The following MCM3AP variants were observed in gnomAD, a reference collection of about 807,000 sequenced individuals.
The protein encoded by MCM3AP is minichromosome maintenance complex component 3 associated protein.
MCM3AP carries 126 observed loss-of-function variants against 184.1 expected under a neutral mutation model. The observed-to-expected ratio is 0.68, with a 90% CI of 0.59 to 0.79. The LOEUF (loss-of-function observed/expected upper bound fraction) is 0.79. Among genes scored for constraint, MCM3AP ranks in the 30% least tolerant of loss-of-function variants. The probability of loss-of-function intolerance (pLI) is 0.00; values close to 1 mark genes in which losing one functional copy is unlikely to be tolerated. For synonymous variants in MCM3AP, 1,002 were observed against 979.3 expected (o/e 1.02, Z -0.43); for missense variants, 2,496 against 2,479.2 (o/e 1.01, Z -0.14).
intron 26 of MCM3AP, among the ~76,000 whole-genome samples, chr21:46,239,774 T>C (rs1372702899): frequency 1.3e-5 from 2 of 151,762 alleles, no homozygotes; most frequent in African/African-American, 4.8e-5. Context: ...GTACAGACGA[T>C]GCAGAGGAGA....
chr21:46,276,901 C>A (rs2081263690), intron 5 of MCM3AP, among the ~76,000 whole-genome samples: 2 of 151,998 alleles, frequency 1.3e-5, no homozygotes, highest in Non-Finnish European at 2.9e-5. Context: ...CCGCACCCAG[C>A]CTGCTTATTT....
At chr21:46,243,354 G>T in intron 24 of MCM3AP, 111 bp downstream of exon 24, 2 of 1,282,330 alleles carry the variant, frequency 1.6e-6, no homozygotes, top group Non-Finnish European at 2.1e-6. Flanking sequence ...GGAAAGGAAG[G>T]ATAGAGACCC....
At chr21:46,246,479 A>T in intron 21 of MCM3AP, 75 bp from the exon 22 acceptor site, 1 of 1,376,404 alleles carries the variant, frequency 7.3e-7, no homozygotes, top group Non-Finnish European at 1.0e-6. Flanking sequence ...CACTGTGCTG[A>T]CCCCACCCAG....
intron 6 of MCM3AP, among the ~76,000 whole-genome samples, chr21:46,273,962 G>A (rs951395373): frequency 2.0e-5 from 3 of 152,248 alleles, no homozygotes; most frequent in Non-Finnish European, 4.4e-5. Flanking sequence ...GTGAAACAGA[G>A]ACAGGCGGTG....
chr21:46,247,962 A>C (rs2080803221), intron 20 of MCM3AP, among the ~76,000 whole-genome samples: 1 of 152,050 alleles, frequency 6.6e-6, no homozygotes, highest in Non-Finnish European at 1.5e-5. Context: ...ACAAAAATAT[A>C]AGCCCATAAT....
Position 46,273,379 on chromosome 21 carries a change from A to G in MCM3AP, c.2196+9T>C. ...ATTTTTTAGCATCCAGGTTGGAGGC[A>G]GCCAATACCTTCCGTATGCCACGCG... is the stretch of plus-strand genomic sequence containing the variant. On this transcript the variant is annotated intron_variant, in intron 7 of 27. Coordinates refer to ENST00000291688, the MANE Select transcript of MCM3AP (RefSeq NM_003906.5). 6.2e-7 allele frequency: 1 copy of G among 1,613,276 alleles called. No homozygotes were observed. Among genetic ancestry groups the G allele is most frequent in the Non-Finnish European group, 8.5e-7 (1 of 1,179,310 alleles).
At chr21:46,260,345 C>T (rs892293578) in intron 15 of MCM3AP, among the ~76,000 whole-genome samples, 9 of 152,210 alleles carry the variant, frequency 5.9e-5, no homozygotes, top group Non-Finnish European at 1.3e-4. Flanking sequence ...GTGGCCACCA[C>T]AGGTGCAGTC....
At chr21:46,254,223 G>T in intron 19 of MCM3AP, 169 bp downstream of exon 19, 1 of 697,430 alleles carries the variant, frequency 1.4e-6, no homozygotes, top group Non-Finnish European at 2.4e-6. Flanking sequence ...CAAATCTAAA[G>T]TTTCAACTTA....
chr21:46,274,938 C>CAAAAAAA (rs35282554), intron 6 of MCM3AP, among the ~76,000 whole-genome samples: 2 of 96,998 alleles, frequency 2.1e-5, no homozygotes, highest in Non-Finnish European at 3.9e-5. Context: ...GACCCTGTCT[C>CAAAAAAA]AAAAAAAAAA....
chr21:46,254,715 T>C, intron 18 of MCM3AP, 61 bp downstream of exon 18: 1 of 1,503,280 alleles, frequency 6.7e-7, no homozygotes, highest in South Asian at 1.1e-5. Flanking sequence ...GGGCTGCCAG[T>C]GTGACAGATT....
chr21:46,251,348 G>T, intron 20 of MCM3AP, 181 bp downstream of exon 20: 1 of 401,416 alleles, frequency 2.5e-6, no homozygotes, highest in African/African-American at 3.1e-5. Flanking sequence ...TACTCAATTT[G>T]ACTGGCTTAA....
At chr21:46,244,575 T>C in intron 23 of MCM3AP, 1 of 573,676 alleles carries the variant, frequency 1.7e-6, no homozygotes, top group Non-Finnish European at 3.1e-6. Flanking sequence ...ATGGACTGCC[T>C]TGCTGGTCAG....
Position 46,273,572 on chromosome 21 carries a change from G to A in MCM3AP, c.2012C>T (p.Ala671Val). 1 of 1,613,740 alleles carries A rather than the reference G, an allele frequency of 6.2e-7. No individual in the cohort carries two copies. Residue 671 changes from alanine (A) to valine (V), a missense_variant, in exon 7 of 28, where the codon GCA becomes GTA. Coordinates refer to ENST00000291688, the MANE Select transcript of MCM3AP (RefSeq NM_003906.5). ...GGACCGACTGTACTCTTTCACAGCT[G>A]CTGCGTGGTCCACCTAGAGACATGA... ...VPGTDQVDHA[A>V]AVKEYSRSSA...
chr21:46,243,721 G>T lies in MCM3AP; in HGVS notation c.5040C>A (p.Ala1680=). Reference sequence around the variant, plus strand: ...CCATGGAGCACACGGGGAGCCAGGGGGCTGGGGAGAAAGTGCCTCATTAGT... The same window carrying T: ...CCATGGAGCACACGGGGAGCCAGGGTGCTGGGGAGAAAGTGCCTCATTAGT... ...LPQMDLPPLG[A]PWLPVCSMVV... Residue 1680 remains alanine, a splice_region_variant and synonymous_variant, in exon 24 of 28, where the codon GCC becomes GCA. Transcript: ENST00000291688. 6.2e-7 allele frequency: 1 copy of T among 1,613,518 alleles called. No homozygotes were observed. The highest frequency in any genetic ancestry group is 1.7e-5 in the Admixed American group (1 of 59,962).
At chr21:46,285,771 C>G (rs1204486906), upstream of MCM3AP, 1 of 154,500 alleles carries the variant, frequency 6.5e-6, no homozygotes. Flanking sequence ...GTAACGCTGT[C>G]AAAACCTTAG....
At chr21:46,275,110 A>G in intron 6 of MCM3AP, 76 bp downstream of exon 6, 5 of 1,474,734 alleles carry the variant, frequency 3.4e-6, no homozygotes, top group Non-Finnish European at 4.5e-6. Flanking sequence ...ACAAACACCC[A>G]AATCAAGTAT....
At chr21:46,255,233 A>G (rs1056410575) in intron 17 of MCM3AP, among the ~76,000 whole-genome samples, 3 of 148,100 alleles carry the variant, frequency 2.0e-5, no homozygotes, top group African/African-American at 7.8e-5. Flanking sequence ...TGAAGGAAAC[A>G]GGGGGAGCCA....
In MCM3AP at chr21:46,260,236, C is replaced by T. The variant is rs17176541; in HGVS notation, c.3581+557G>A. Among the ~76,000 whole-genome samples, 1,444 of 152,174 alleles carry T rather than the reference C, an allele frequency of 9.5e-3. 30 individuals are homozygous for T. The highest frequency in any genetic ancestry group is 0.033 in the African/African-American group (1,387 of 41,510). On this transcript the variant is annotated intron_variant, in intron 15 of 27. Transcript: ENST00000291688. The stretch of plus-strand genomic sequence containing the variant: ...CAAATTATAGGTCCATAGGGGCCCT[C>T]GTAACAGTTAAGAAATAAACCTTTA...
At chr21:46,246,577 C>T in intron 21 of MCM3AP, 51 bp downstream of exon 21, 1 of 1,598,000 alleles carries the variant, frequency 6.3e-7, no homozygotes, top group Non-Finnish European at 8.6e-7. Flanking sequence ...CCAGGGCCTC[C>T]ACCCATTTAT....
Sources: allele counts gnomAD v4.1 joint callset (sites outside exome capture counted in the v4.1 genomes callset), GRCh38; gene constraint gnomAD v4.1.1; transcripts MANE v1.5; gene names NCBI Gene and HGNC (gene_info 2026-07-23, HGNC 2026-07-21).